Variants in PCDH9 observed in about 807,000 individuals in gnomAD.
PCDH9 encodes the protein protocadherin-9.
A neutral mutation model predicts 70.6 loss-of-function variants in PCDH9; 24 were observed. That is an observed-to-expected ratio of 0.34 (90% confidence interval 0.25 to 0.48). The LOEUF is 0.48. Among genes scored for constraint, PCDH9 ranks in the 20% least tolerant of loss-of-function variants. PCDH9 has a pLI of 0.99. For synonymous variants in PCDH9, 562 were observed against 558.5 expected, an observed-to-expected ratio of 1.01 and a Z score of -0.09; for missense variants, 1,281 against 1,503.6, an observed-to-expected ratio of 0.85 and a Z score of 2.45.
intron 2 of PCDH9, among the ~76,000 whole-genome samples, chr13:67,020,357 C>T (rs571311164): frequency 5.9e-5 from 9 of 152,106 alleles, no homozygotes; most frequent in East Asian, 1.9e-4. Flanking sequence ...ATCTGCAGTA[C>T]GTGAAGAGTC....
intron 4 of PCDH9, among the ~76,000 whole-genome samples, chr13:66,327,218 C>T (rs972069496): frequency 1.3e-5 from 2 of 152,226 alleles, no homozygotes; most frequent in South Asian, 4.1e-4. Flanking sequence ...GTTGCCAGAT[C>T]GACACATGTT....
chr13:66,358,383 A>G (rs1956418488), intron 4 of PCDH9, among the ~76,000 whole-genome samples: 1 of 151,970 alleles, frequency 6.6e-6, no homozygotes, highest in African/African-American at 2.4e-5. Context: ...TCATTCAGCT[A>G]TTGTTACATC....
At chr13:66,419,891 C>A (rs982213009) in intron 4 of PCDH9, among the ~76,000 whole-genome samples, 2 of 152,054 alleles carry the variant, frequency 1.3e-5, no homozygotes, top group East Asian at 3.9e-4. Context: ...GATCCCACCC[C>A]CTATGGAACC....
chr13:66,878,685 A>C (rs917555099), intron 3 of PCDH9, among the ~76,000 whole-genome samples: 1 of 152,200 alleles, frequency 6.6e-6, no homozygotes, highest in Non-Finnish European at 1.5e-5. Context: ...GAAATAGGTG[A>C]CAAATTATAC....
At chr13:67,223,921 G>T (rs917376535) in intron 2 of PCDH9, 6 of 152,120 alleles carry the variant, frequency 3.9e-5, no homozygotes, top group Non-Finnish European at 8.8e-5. Flanking sequence ...GGGAGTATCT[G>T]TATGACTCAT....
chr13:66,515,251 G>A (rs1256107484), intron 4 of PCDH9, among the ~76,000 whole-genome samples: 1 of 151,902 alleles, frequency 6.6e-6, no homozygotes, highest in Non-Finnish European at 1.5e-5. Flanking sequence ...ACAAACACTT[G>A]TTATATTTGA....
chr13:67,086,725 A>G (rs556263048), intron 2 of PCDH9, among the ~76,000 whole-genome samples: 3 of 152,282 alleles, frequency 2.0e-5, no homozygotes, highest in Admixed American at 6.5e-5. Flanking sequence ...GTAAAGAAAA[A>G]GATAAAGATG....
intron 3 of PCDH9, among the ~76,000 whole-genome samples, chr13:66,671,856 C>G (rs1036413730): frequency 6.6e-5 from 10 of 152,132 alleles, no homozygotes; most frequent in Non-Finnish European, 1.0e-4. Context: ...AAATTTGCAG[C>G]CTGACACTGC....
chr13:66,980,185 A>G (rs1457291123), intron 2 of PCDH9, among the ~76,000 whole-genome samples: 1 of 151,838 alleles, frequency 6.6e-6, no homozygotes, highest in Non-Finnish European at 1.5e-5. Flanking sequence ...CTTGATCTCA[A>G]TGAAGGCAAA....
At chr13:67,082,275 C>A (rs554556741) in intron 2 of PCDH9, among the ~76,000 whole-genome samples, 2 of 152,252 alleles carry the variant, frequency 1.3e-5, no homozygotes, top group African/African-American at 4.8e-5. Flanking sequence ...GCCTTGCAAC[C>A]AACATTTGAC....
intron 3 of PCDH9, among the ~76,000 whole-genome samples, chr13:66,700,436 A>C (rs1325509620): frequency 6.6e-6 from 1 of 152,158 alleles, no homozygotes; most frequent in Non-Finnish European, 1.5e-5. Flanking sequence ...AAAACATGGG[A>C]TTCTAAGCCT....
intron 2 of PCDH9, chr13:67,210,488 G>A (rs996283528): frequency 3.3e-5 from 5 of 152,112 alleles, no homozygotes; most frequent in South Asian, 2.1e-4. Flanking sequence ...ACACTGATGT[G>A]CACTATTTGA....
chr13:67,213,545 C>T (rs1349340611), intron 2 of PCDH9: 2 of 152,024 alleles, frequency 1.3e-5, no homozygotes, highest in Admixed American at 6.6e-5. Flanking sequence ...CTTGTAATAA[C>T]CCTAAGAGGT....
At chr13:67,125,117 G>A (rs1433830740) in intron 2 of PCDH9, among the ~76,000 whole-genome samples, 1 of 152,110 alleles carries the variant, frequency 6.6e-6, no homozygotes, top group Non-Finnish European at 1.5e-5. Flanking sequence ...ATAAAATTGG[G>A]AATGTTCAGA....
intron 2 of PCDH9, among the ~76,000 whole-genome samples, chr13:67,092,428 G>A (rs2086236290): frequency 6.6e-6 from 1 of 152,034 alleles, no homozygotes; most frequent in Non-Finnish European, 1.5e-5. Context: ...ATGTTGGATT[G>A]CAAAGAAAAG....
At chr13:66,786,249 T>G (rs954864276) in intron 3 of PCDH9, among the ~76,000 whole-genome samples, 2 of 152,188 alleles carry the variant, frequency 1.3e-5, no homozygotes, top group African/African-American at 4.8e-5. Flanking sequence ...CAAGGAAAGC[T>G]AGGCACAATT....
chr13:66,592,640 T>G (rs943150131), intron 4 of PCDH9, among the ~76,000 whole-genome samples: 1 of 151,770 alleles, frequency 6.6e-6, no homozygotes, highest in African/African-American at 2.4e-5. Context: ...ATACATGTGT[T>G]TTTTACTATA....
intron 4 of PCDH9, among the ~76,000 whole-genome samples, chr13:66,543,402 T>TA (rs2138662912): frequency 6.6e-6 from 1 of 151,900 alleles, no homozygotes; most frequent in South Asian, 2.1e-4. Flanking sequence ...AACTCCCTAC[T>TA]AAAAAATACA....
At chr13:66,575,677 T>C (rs1203766649) in intron 4 of PCDH9, among the ~76,000 whole-genome samples, 1 of 152,168 alleles carries the variant, frequency 6.6e-6, no homozygotes, top group East Asian at 1.9e-4. Flanking sequence ...TTTCATCCTT[T>C]AGGTTTTAGC....
Sources: gnomAD v4.1 joint callset for allele counts (sites outside exome capture counted in the v4.1 genomes callset) on GRCh38, gnomAD v4.1.1 for gene constraint, MANE v1.5 for transcripts, NCBI Gene and HGNC (gene_info 2026-07-23, HGNC 2026-07-21) for gene names.